HK2: variants seen among roughly 807,000 people sequenced by gnomAD.
HK2 encodes the protein hexokinase 2.
A neutral mutation model predicts 92.9 loss-of-function variants in HK2; 42 were observed. The ratio of observed to expected loss-of-function variants is 0.45; its 90% CI spans 0.35 to 0.58. HK2 has a LOEUF of 0.58. Among genes scored for constraint, HK2 ranks in the 20% least tolerant of loss-of-function variants. The pLI is 0.00. For missense variants in HK2, 978 were observed against 1,245.1 expected (o/e 0.79, Z 3.23); for synonymous variants, 422 against 468.0 (o/e 0.90, Z 1.27).
chr2:74,865,918 T>C (rs941562329), intron 2 of HK2, among the ~76,000 whole-genome samples: 4 of 152,012 alleles, frequency 2.6e-5, no homozygotes, highest in Non-Finnish European at 4.4e-5. Context: ...TGTGTCTAAT[T>C]TTTCCCCTCA....
In HK2 at chr2:74,834,371, G is replaced by A; in HGVS notation, c.-210G>A. ...GAGAGAACTGAGGCGCCTTCTAGCA[G>A]TTGTGACGCCAAAATCACGTCTCCG... On this transcript the variant is annotated 5_prime_UTR_variant, in exon 1 of 18. Coordinates refer to ENST00000290573, the MANE Select transcript of HK2 (RefSeq NM_000189.5). This position sits in a 1 kb window ranked among gnomAD's most constrained non-coding sequence, Gnocchi z 4.2. The A allele has an allele frequency of 1.6e-6, 1 of 630,284 alleles. No individual in the cohort carries two copies. The highest frequency in any genetic ancestry group is 2.4e-5 in the Admixed American group (1 of 41,840). 39.0% of individuals were successfully genotyped at this position (630,284 alleles called of 1,614,324 possible).
chr2:74,863,945 A>G (rs1688890811), intron 2 of HK2, among the ~76,000 whole-genome samples: 1 of 152,246 alleles, frequency 6.6e-6, no homozygotes, highest in African/African-American at 2.4e-5. Flanking sequence ...GCATTGAGTG[A>G]CAAGGAAGAG....
chr2:74,860,974 A>G (rs1038212579), intron 2 of HK2, among the ~76,000 whole-genome samples: 18 of 152,190 alleles, frequency 1.2e-4, no homozygotes, highest in Non-Finnish European at 2.1e-4. Context: ...GTTTGCTAGG[A>G]AACACACCAT....
chr2:74,887,756 T>G, intron 15 of HK2, 147 bp from the exon 16 acceptor site: 1 of 761,520 alleles, frequency 1.3e-6, no homozygotes, highest in Non-Finnish European at 2.3e-6. Flanking sequence ...CCTGCCCAAG[T>G]GAATCAAGTA....
Position 74,877,501 on chromosome 2 carries a change from C to T in HK2, c.1031+180C>T, listed in dbSNP as rs571490900. Among the ~76,000 whole-genome samples, 23 of 152,200 alleles carry T rather than the reference C, an allele frequency of 1.5e-4. No individual in the cohort carries two copies. The South Asian group carries it at 4.6e-3, about 30-fold the overall frequency. ...TTCACTTACCAGTCTCCACTCTTGT[C>T]GATTTCGATTGTGATTGCTACCAGT... On this transcript the variant is annotated intron_variant, in intron 8 of 17. Coordinates refer to ENST00000290573, the MANE Select transcript of HK2 (RefSeq NM_000189.5).
At chr2:74,887,537 C>G (rs1212296107) in intron 15 of HK2, among the ~76,000 whole-genome samples, 1 of 152,078 alleles carries the variant, frequency 6.6e-6, no homozygotes, top group Non-Finnish European at 1.5e-5. Context: ...ACTCAGCATT[C>G]TCCCCTGCTC....
At chr2:74,873,575 C>G (rs1233554224) in intron 5 of HK2, among the ~76,000 whole-genome samples, 1 of 152,058 alleles carries the variant, frequency 6.6e-6, no homozygotes, top group Non-Finnish European at 1.5e-5. Context: ...ATAATCTTAG[C>G]CTTGGCACAA....
chr2:74,848,343 T>A (rs1688492282), intron 1 of HK2, among the ~76,000 whole-genome samples: 1 of 152,238 alleles, frequency 6.6e-6, no homozygotes, highest in African/African-American at 2.4e-5. Flanking sequence ...TCTTAAAATT[T>A]TTAAGAATTG....
intron 15 of HK2, among the ~76,000 whole-genome samples, chr2:74,886,993 C>T (rs1043156632): frequency 1.3e-5 from 2 of 152,192 alleles, no homozygotes; most frequent in African/African-American, 4.8e-5. Context: ...GTGATGCAGA[C>T]AGGAGCAAAT....
At chr2:74,846,204 G>A (rs1688430483) in intron 1 of HK2, among the ~76,000 whole-genome samples, 1 of 152,232 alleles carries the variant, frequency 6.6e-6, no homozygotes, top group Admixed American at 6.5e-5. Context: ...TCTTTGTGTG[G>A]CCAGATTTAA....
chr2:74,834,787 C>G lies in HK2; in HGVS notation c.63+144C>G. On this transcript the variant is annotated intron_variant, in intron 1 of 17. Coordinates refer to ENST00000290573, the MANE Select transcript of HK2 (RefSeq NM_000189.5). The surrounding 1 kb of genome is among the most constrained non-coding windows in gnomAD (Gnocchi z 4.2). Reference sequence around the variant, plus strand: ...AAAAGTTTGGGCAGCCGGGACACTCCTGGGCGCCAGGAGCCACGTCCGCTA... The same window carrying G: ...AAAAGTTTGGGCAGCCGGGACACTCGTGGGCGCCAGGAGCCACGTCCGCTA... 1 of 885,462 alleles carries G rather than the reference C, an allele frequency of 1.1e-6. No individual in the cohort carries two copies. Among genetic ancestry groups the G allele is most frequent in the African/African-American group, 1.6e-5 (1 of 60,670 alleles). 54.9% of individuals were successfully genotyped at this position (885,462 alleles called of 1,614,324 possible).
intron 8 of HK2, among the ~76,000 whole-genome samples, chr2:74,877,936 C>A (rs1689274532): frequency 6.6e-6 from 1 of 152,118 alleles, no homozygotes; most frequent in Non-Finnish European, 1.5e-5. Context: ...CCTGGTGTTT[C>A]AGGGACCAGA....
At position 74,878,668 on chromosome 2, in the gene HK2, GC is replaced by G. The variant is rs1558802099; in HGVS notation, c.1032-19del. ...CAGTGGGTCAGACACAGGCCCACAT[GC>G]TATCTTTCTGTTTCCCAGGGAGAAG... On this transcript the variant is annotated intron_variant, in intron 8 of 17. Coordinates refer to ENST00000290573, the MANE Select transcript of HK2 (RefSeq NM_000189.5). The G allele has an allele frequency of 6.3e-7, 1 of 1,578,804 alleles. No individual in the cohort carries two copies. Among genetic ancestry groups the G allele is most frequent in the Non-Finnish European group, 8.6e-7 (1 of 1,157,256 alleles).
At chr2:74,868,495 G>T (rs1373240550) in intron 3 of HK2, among the ~76,000 whole-genome samples, 1 of 152,172 alleles carries the variant, frequency 6.6e-6, no homozygotes, top group African/African-American at 2.4e-5. Flanking sequence ...TACGGATTGT[G>T]GTGTAGATTA....
At chr2:74,879,070 G>T in intron 9 of HK2, 149 bp downstream of exon 9, 1 of 755,644 alleles carries the variant, frequency 1.3e-6, no homozygotes, top group Non-Finnish European at 2.4e-6. Context: ...TTCCCACCTG[G>T]GCAAGGGGGA....
chr2:74,877,389 A>G, intron 8 of HK2, 68 bp downstream of exon 8: 1 of 1,562,354 alleles, frequency 6.4e-7, no homozygotes, highest in Non-Finnish European at 8.8e-7. Context: ...TTGGGGAATG[A>G]GGAGGGGGCT....
chr2:74,856,898 T>C (rs890253895), intron 2 of HK2, among the ~76,000 whole-genome samples: 3 of 152,162 alleles, frequency 2.0e-5, no homozygotes, highest in African/African-American at 7.2e-5. Context: ...AACTAAAATT[T>C]TTTTGGAACG....
chr2:74,880,163 C>T, intron 9 of HK2, 102 bp from the exon 10 acceptor site: 1 of 1,288,148 alleles, frequency 7.8e-7, no homozygotes, highest in Non-Finnish European at 1.1e-6. Flanking sequence ...CCTGCAGGTG[C>T]CTTTTGGCAT....
In HK2 at chr2:74,835,082, C is replaced by T. The variant is rs555241336; in HGVS notation, c.63+439C>T. ...GCTGCCGCGTGGGGCCGCCGGGGGC[C>T]GTCCGCGCTCGCGGACCGCGTGTAG... On this transcript the variant is annotated intron_variant, in intron 1 of 17. Coordinates refer to ENST00000290573, the MANE Select transcript of HK2 (RefSeq NM_000189.5). 2.4e-4 allele frequency: 59 copies of T among 247,212 alleles called. 2 individuals are homozygous for T. The South Asian group carries it at 2.6e-3, about 11-fold the overall frequency. 15.3% of individuals were successfully genotyped at this position (247,212 alleles called of 1,614,324 possible). A position where few individuals can be genotyped will look rare whatever the true frequency, so the allele number is the denominator to read the frequency against.
Sources: allele counts gnomAD v4.1 joint callset (sites outside exome capture counted in the v4.1 genomes callset), GRCh38; gene constraint gnomAD v4.1.1; non-coding constraint Gnocchi (gnomAD v3.1); transcripts MANE v1.5; gene names NCBI Gene and HGNC (gene_info 2026-07-23, HGNC 2026-07-21).